TIPIN: variants seen among roughly 807,000 people sequenced by gnomAD.
TIPIN encodes TIMELESS-interacting protein.
A neutral mutation model predicts 35.6 loss-of-function variants in TIPIN; 29 were observed. That is an observed-to-expected ratio of 0.82 (90% CI 0.61 to 1.11). The LOEUF is 1.11. Ranked by LOEUF, TIPIN falls within the 50% of genes most tolerant of loss-of-function variation. TIPIN has a pLI of 0.00. For synonymous variants in TIPIN, 102 were observed against 121.5 expected (o/e 0.84, Z 1.06); for missense variants, 296 against 345.4 (o/e 0.86, Z 1.13).
At chr15:66,377,329 G>A (rs568471486) in intron 1 of TIPIN, among the ~76,000 whole-genome samples, 1 of 152,124 alleles carries the variant, frequency 6.6e-6, no homozygotes, top group South Asian at 2.1e-4. Context: ...TCTATTGGAT[G>A]AATGATGATC....
chr15:66,369,866 T>C (rs1481569797), intron 1 of TIPIN, among the ~76,000 whole-genome samples: 2 of 152,196 alleles, frequency 1.3e-5, no homozygotes, highest in African/African-American at 4.8e-5. Context: ...GTAGCTCAAA[T>C]GGTCATTCTC....
chr15:66,379,389 A>G, intron 1 of TIPIN: 1 of 1,599,996 alleles, frequency 6.3e-7, no homozygotes, highest in Non-Finnish European at 8.5e-7. Flanking sequence ...GATACCATTC[A>G]AAAATTTCCT....
intron 1 of TIPIN, among the ~76,000 whole-genome samples, chr15:66,373,674 T>C (rs2093285676): frequency 1.3e-5 from 2 of 152,030 alleles, no homozygotes; most frequent in South Asian, 2.1e-4. Context: ...ACATTTGATA[T>C]TGTCTTTTTC....
chr15:66,376,975 G>A (rs2093299036), intron 1 of TIPIN, among the ~76,000 whole-genome samples: 1 of 151,510 alleles, frequency 6.6e-6, no homozygotes, highest in South Asian at 2.1e-4. Context: ...AGGCATGGTG[G>A]TGGGCACCTG....
chr15:66,338,813 C>CAAAAAAAAAAAAAAAAAAAA (rs35966273), intron 7 of TIPIN, among the ~76,000 whole-genome samples: 2 of 35,292 alleles, frequency 5.7e-5, no homozygotes, highest in Admixed American at 3.3e-4. Flanking sequence ...GACTCCGTCT[C>CAAAAAAAAAAAAAAAAAAAA]AAAAAAAAAA....
At chr15:66,350,262 C>A (rs1202680416) in intron 4 of TIPIN, among the ~76,000 whole-genome samples, 1 of 151,972 alleles carries the variant, frequency 6.6e-6, no homozygotes, top group Non-Finnish European at 1.5e-5. Flanking sequence ...AGCACCCCGC[C>A]TGGATACAGA....
chr15:66,361,509 CCTCCCAAAGTG>C (rs2093230980), upstream of TIPIN, among the ~76,000 whole-genome samples: 2 of 150,340 alleles, frequency 1.3e-5, no homozygotes, highest in South Asian at 4.2e-4. Flanking sequence ...CCCACCTGGG[CCTCCCAAAGTG>C]CTGAGATTAC....
intron 1 of TIPIN, chr15:66,371,519 T>C (rs2093277570): frequency 5.3e-6 from 1 of 187,258 alleles, no homozygotes; most frequent in Non-Finnish European, 7.6e-6. Context: ...TAATTGTTTC[T>C]TTTTTTTTTT....
intron 1 of TIPIN, chr15:66,383,774 T>G (rs1029805421): frequency 6.0e-6 from 1 of 165,830 alleles, no homozygotes; most frequent in African/African-American, 2.4e-5. Flanking sequence ...AGAGATCTAA[T>G]GTACAACATG....
chr15:66,371,361 A>C lies in TIPIN; in HGVS notation c.-9+15246T>G, dbSNP rs1028787792. 24 of 985,176 alleles carry C rather than the reference A, an allele frequency of 2.4e-5. No homozygotes were observed. In the African/African-American group the frequency reaches 4.2e-4, roughly 17 times the overall value. The allele number at this position is 985,176 out of a possible 1,614,324, so 61.0% of individuals were successfully genotyped here. A position where few individuals can be genotyped will look rare whatever the true frequency, so the allele number is the denominator to read the frequency against. On this transcript the variant is annotated intron_variant, in intron 1 of 7. Transcript: ENST00000562124. Reference sequence around the variant, plus strand: ...AACCCACAAAATTCTCAGAAGACGTAAGTGTTTTAATGTGAGAAAGGCCTA... The same window carrying C: ...AACCCACAAAATTCTCAGAAGACGTCAGTGTTTTAATGTGAGAAAGGCCTA...
intron 6 of TIPIN, among the ~76,000 whole-genome samples, chr15:66,342,542 T>G (rs889949643): frequency 1.3e-5 from 2 of 152,022 alleles, no homozygotes; most frequent in Non-Finnish European, 2.9e-5. Flanking sequence ...TTTTGTATTT[T>G]TAGTAGAGAC....
chr15:66,338,715 G>T (rs999442078), intron 7 of TIPIN, among the ~76,000 whole-genome samples: 1 of 149,998 alleles, frequency 6.7e-6, no homozygotes, highest in Non-Finnish European at 1.5e-5. Context: ...TCGGGAGGCT[G>T]AGGCACGAGA....
chr15:66,342,449 C>T (rs969832783), intron 6 of TIPIN, among the ~76,000 whole-genome samples: 1 of 152,014 alleles, frequency 6.6e-6, no homozygotes, highest in African/African-American at 2.4e-5. Context: ...TTGCAACCTC[C>T]GCCTCCCAGA....
At chr15:66,379,794 A>C (rs1381830673) in intron 1 of TIPIN, 4 of 1,601,112 alleles carry the variant, frequency 2.5e-6, no homozygotes, top group Admixed American at 3.3e-5. Flanking sequence ...TTCTACATTG[A>C]TGTGATTGAA....
chr15:66,349,240 C>T lies in TIPIN; in HGVS notation c.411+75G>A. 6.2e-6 allele frequency: 10 copies of T among 1,601,708 alleles called. No individual in the cohort carries two copies. The Admixed American group carries it at 1.0e-4, about 16-fold the overall frequency. On this transcript the variant is annotated intron_variant, in intron 5 of 7. Coordinates refer to ENST00000261881, the MANE Select transcript of TIPIN (RefSeq NM_017858.3). ...GAGATTTCAAAATGAACACTTTAAA[C>T]AGCAATTTAGCCTCAACTAAATCTA...
upstream of TIPIN, among the ~76,000 whole-genome samples, chr15:66,358,737 A>T (rs995264433): frequency 6.6e-6 from 1 of 151,990 alleles, no homozygotes; most frequent in Admixed American, 6.6e-5. Context: ...AGCTTGAAAC[A>T]TTTTATTAAA....
chr15:66,353,086 TAGAGA>T, intron 1 of TIPIN, 131 bp from the exon 2 acceptor site: 1 of 817,618 alleles, frequency 1.2e-6, no homozygotes, highest in Admixed American at 3.0e-5. Context: ...TCATGAAAAG[TAGAGA>T]AGATACTAAT....
chr15:66,357,152 T>C (rs2093209428), upstream of TIPIN, among the ~76,000 whole-genome samples: 1 of 152,092 alleles, frequency 6.6e-6, no homozygotes, highest in Non-Finnish European at 1.5e-5. Flanking sequence ...GTCGAACTCC[T>C]TAGCTCAAGC....
At position 66,381,525 on chromosome 15, in the gene TIPIN, G is replaced by A. The variant is rs56230267; in HGVS notation, c.-9+5082C>T. 5.0e-3 allele frequency among the ~76,000 whole-genome samples: 768 copies of A among 152,178 alleles called. 7 individuals carry two copies. Among genetic ancestry groups the A allele is most frequent in the African/African-American group, 0.018 (736 of 41,528 alleles). On this transcript the variant is annotated intron_variant, in intron 1 of 7. Coordinates refer to the TIPIN transcript ENST00000562124. ...TAATTCCTACTGTTTGAAATTTCTA[G>A]AAATGAAAGTCTTTTCTTGTCCAGT... is the stretch of plus-strand genomic sequence containing the variant.
Sources: gnomAD v4.1 joint callset for allele counts (sites outside exome capture counted in the v4.1 genomes callset) on GRCh38, gnomAD v4.1.1 for gene constraint, MANE v1.5 for transcripts, NCBI Gene and HGNC (gene_info 2026-07-23, HGNC 2026-07-21) for gene names.